CSGALNACT1: variants seen among roughly 807,000 people sequenced by gnomAD.
CSGALNACT1 encodes chondroitin sulfate N-acetylgalactosaminyltransferase 1, also known as beta4GalNAcT-1.
CSGALNACT1 carries 52 observed loss-of-function variants against 51.0 expected under a neutral mutation model. The ratio of observed to expected loss-of-function variants is 1.02; its 90% CI spans 0.82 to 1.29. The LOEUF is 1.29. Ranked by LOEUF, CSGALNACT1 falls within the 50% of genes most tolerant of loss-of-function variation. CSGALNACT1 has a pLI of 0.00. For missense variants in CSGALNACT1, 935 were observed against 679.2 expected (o/e 1.38, Z -4.19); for synonymous variants, 341 against 254.4 (o/e 1.34, Z -3.24).
chr8:19,573,421 G>A (rs1348438117), intron 3 of CSGALNACT1, among the ~76,000 whole-genome samples: 1 of 152,064 alleles, frequency 6.6e-6, no homozygotes, highest in Non-Finnish European at 1.5e-5. Flanking sequence ...TTGACTAAGA[G>A]TCACTTAAGT....
intron 3 of CSGALNACT1, among the ~76,000 whole-genome samples, chr8:19,550,274 C>T (rs2087653749): frequency 6.6e-6 from 1 of 152,208 alleles, no homozygotes; most frequent in Non-Finnish European, 1.5e-5. Context: ...ATGTACAGCA[C>T]TGCACCTGTC....
At chr8:19,650,604 C>T (rs561643901) in intron 1 of CSGALNACT1, among the ~76,000 whole-genome samples, 1 of 152,116 alleles carries the variant, frequency 6.6e-6, no homozygotes, top group Admixed American at 6.6e-5. Flanking sequence ...GTTCCCAAGA[C>T]CATCAGGTGT....
At chr8:19,521,591 G>A (rs1358455741) in intron 3 of CSGALNACT1, among the ~76,000 whole-genome samples, 1 of 152,172 alleles carries the variant, frequency 6.6e-6, no homozygotes, top group Non-Finnish European at 1.5e-5. Flanking sequence ...GCTGAGGCAG[G>A]AGAATTGCTT....
chr8:19,565,536 G>A (rs1193966420), intron 3 of CSGALNACT1, among the ~76,000 whole-genome samples: 1 of 152,212 alleles, frequency 6.6e-6, no homozygotes. Flanking sequence ...TAAACAAGAA[G>A]TTCAAAGGAT....
chr8:19,549,512 G>A (rs1019803728), intron 3 of CSGALNACT1, among the ~76,000 whole-genome samples: 3 of 151,794 alleles, frequency 2.0e-5, no homozygotes, highest in Non-Finnish European at 1.5e-5. Flanking sequence ...TTTTCCTCAG[G>A]CCATCCTTCC....
rs1347286338 is a variant in CSGALNACT1, at chr8:19,666,873, GAA to G, written c.-544+15598_-544+15599del. Among the ~76,000 whole-genome samples the G allele has an allele frequency of 6.7e-3, 882 of 130,880 alleles. 46 individuals carry two copies. Among genetic ancestry groups the G allele is most frequent in the South Asian group, 8.5e-3 (34 of 3,996 alleles). The allele number at this position is 130,880 out of a possible 152,430, so 85.9% of individuals were successfully genotyped here. On this transcript the variant is annotated intron_variant, in intron 1 of 9. Coordinates refer to the CSGALNACT1 transcript ENST00000332246. ...AGAAAGAAAGAAAGAAAGAAAGAAA[GAA>G]AGAAAGAAAGAGAGAGAGGAAGTGA...
intron 6 of CSGALNACT1, among the ~76,000 whole-genome samples, chr8:19,429,540 T>C (rs566603616): frequency 1.3e-5 from 2 of 152,236 alleles, no homozygotes; most frequent in Non-Finnish European, 2.9e-5. Context: ...TTCATCCCAT[T>C]GCAGCATACA....
chr8:19,704,786 T>C (rs1396587690), intron 1 of CSGALNACT1, among the ~76,000 whole-genome samples: 3 of 152,162 alleles, frequency 2.0e-5, no homozygotes, highest in Non-Finnish European at 2.9e-5. Context: ...AATCCTGCCA[T>C]TTGTGATAAC....
intron 3 of CSGALNACT1, among the ~76,000 whole-genome samples, chr8:19,582,466 A>G (rs7840172): frequency 0.033 from 5,066 of 152,246 alleles, 301 homozygotes; most frequent in African/African-American, 0.11. Context: ...ACCTAGTAAA[A>G]CCAACATTTT....
chr8:19,751,709 G>A (rs1019477619), intron 1 of CSGALNACT1, among the ~76,000 whole-genome samples: 3 of 152,100 alleles, frequency 2.0e-5, no homozygotes, highest in Admixed American at 2.0e-4. Flanking sequence ...CTTCCCCCTT[G>A]CTGTTCTCGT....
intron 6 of CSGALNACT1, among the ~76,000 whole-genome samples, chr8:19,433,580 C>A (rs577571373): frequency 6.6e-6 from 1 of 152,306 alleles, no homozygotes; most frequent in African/African-American, 2.4e-5. Context: ...GAAGAAAATA[C>A]TTTCTGCATT....
chr8:19,552,758 A>G (rs1215394243), intron 3 of CSGALNACT1, among the ~76,000 whole-genome samples: 1 of 152,224 alleles, frequency 6.6e-6, no homozygotes, highest in Non-Finnish European at 1.5e-5. Context: ...CCTTGTGTAA[A>G]AAGTGTCATG....
chr8:19,424,432 A>G lies in CSGALNACT1; in HGVS notation c.954-3914T>C, dbSNP rs548795067. ...GAACCCCTCCAACTCCTCTCTTGCC[A>G]TCAGGAAGAGCCTCTGATAATTACC... On this transcript the variant is annotated intron_variant, in intron 6 of 9. Coordinates refer to ENST00000454498, the Ensembl canonical transcript of CSGALNACT1. Among the ~76,000 whole-genome samples the G allele has an allele frequency of 2.0e-5, 3 of 152,240 alleles. No individual in the cohort carries two copies. The East Asian group carries it at 5.8e-4, about 29-fold the overall frequency.
intron 4 of CSGALNACT1, among the ~76,000 whole-genome samples, chr8:19,474,250 A>G (rs1024706016): frequency 7.2e-5 from 11 of 152,194 alleles, no homozygotes; most frequent in African/African-American, 2.7e-4. Context: ...CCAACCTAGG[A>G]AAACAATCTA....
intron 6 of CSGALNACT1, among the ~76,000 whole-genome samples, chr8:19,434,546 T>G (rs907709052): frequency 9.2e-5 from 14 of 152,194 alleles, no homozygotes; most frequent in Admixed American, 9.2e-4. Flanking sequence ...CTCAGGAAAT[T>G]AACATTTTTA....
intron 1 of CSGALNACT1, among the ~76,000 whole-genome samples, chr8:19,632,364 A>G (rs2055384746): frequency 2.6e-5 from 4 of 152,272 alleles, no homozygotes; most frequent in Non-Finnish European, 5.9e-5. Context: ...TCAACTATCT[A>G]TCTGCCGTTT....
intron 1 of CSGALNACT1, among the ~76,000 whole-genome samples, chr8:19,642,364 C>A (rs1215655640): frequency 6.6e-6 from 1 of 151,868 alleles, no homozygotes; most frequent in Non-Finnish European, 1.5e-5. Flanking sequence ...CATAAAGCTA[C>A]AATAACAGAG....
rs369969383 is a variant in CSGALNACT1 at position 19,505,184 on chromosome 8, A to C, written c.634+17T>G. ...TTCCTTTTCTTCTCCTTTCCCCCCA[A>C]TTCACAAAATGCTAACCTTCTATGA... On this transcript the variant is annotated intron_variant, in intron 4 of 9. Transcript: ENST00000454498. 5.0e-6 allele frequency: 8 copies of C among 1,613,786 alleles called. No homozygotes were observed. Among genetic ancestry groups the C allele is most frequent in the South Asian group, 2.2e-5 (2 of 91,068 alleles).
chr8:19,525,695 C>T (rs1444759012), intron 3 of CSGALNACT1, among the ~76,000 whole-genome samples: 1 of 139,126 alleles, frequency 7.2e-6, no homozygotes, highest in African/African-American at 2.8e-5. Context: ...AATAAATGAC[C>T]TAGAGAAAAG....
Sources: allele counts gnomAD v4.1 joint callset (sites outside exome capture counted in the v4.1 genomes callset), GRCh38; gene constraint gnomAD v4.1.1; transcripts MANE v1.5; gene names NCBI Gene and HGNC (gene_info 2026-07-23, HGNC 2026-07-21).